CACNA1E: variants seen among roughly 807,000 people sequenced by gnomAD.
The protein encoded by CACNA1E is voltage-dependent R-type calcium channel subunit alpha-1E.
Under a neutral mutation model 259.2 loss-of-function variants are expected in CACNA1E, and 40 were observed. That is an observed-to-expected ratio of 0.15 (90% CI 0.12 to 0.20). The LOEUF (loss-of-function observed/expected upper bound fraction) is 0.20, where lower values mean the gene tolerates loss of function less well. CACNA1E is among the 10% of genes least tolerant of loss of function. The pLI is 1.00. For missense variants in CACNA1E, 1,874 were observed against 3,040.1 expected, an observed-to-expected ratio of 0.62 and a Z score of 9.02; for synonymous variants, 1,104 against 1,138.5, an observed-to-expected ratio of 0.97 and a Z score of 0.61.
At chr1:181,708,363 T>C (rs1355785206) in intron 7 of CACNA1E, among the ~76,000 whole-genome samples, 2 of 152,222 alleles carry the variant, frequency 1.3e-5, no homozygotes, top group East Asian at 3.9e-4. Flanking sequence ...TCTGAGGGGC[T>C]ATGTGTCCTT....
At chr1:181,737,058 TAC>T (rs948361272) in intron 22 of CACNA1E, among the ~76,000 whole-genome samples, 3 of 152,204 alleles carry the variant, frequency 2.0e-5, no homozygotes, top group Non-Finnish European at 2.9e-5. Flanking sequence ...GAATATAGAA[TAC>T]AGTTACTTTA....
At chr1:181,450,091 C>A (rs1039109812) in intron 2 of CACNA1E, among the ~76,000 whole-genome samples, 1 of 152,140 alleles carries the variant, frequency 6.6e-6, no homozygotes, top group Non-Finnish European at 1.5e-5. Flanking sequence ...GAGAAGCCAG[C>A]ATGTCTTATG....
intron 3 of CACNA1E, among the ~76,000 whole-genome samples, chr1:181,526,153 G>T (rs1667342671): frequency 6.6e-6 from 1 of 152,132 alleles, no homozygotes; most frequent in South Asian, 2.1e-4. Context: ...GGTGTTCAGT[G>T]CTAATCACTG....
chr1:181,578,053 A>G lies in CACNA1E; in HGVS notation c.616+184A>G, dbSNP rs150031858. Among the ~76,000 whole-genome samples the G allele has an allele frequency of 3.9e-5, 6 of 152,350 alleles. No homozygotes were observed. In the East Asian group the frequency reaches 1.2e-3, roughly 29 times the overall value. On this transcript the variant is annotated intron_variant, in intron 4 of 47. Transcript: ENST00000367573. The stretch of plus-strand genomic sequence containing the variant: ...TTTTACTTTACATTTAACTTTTTGC[A>G]AATATAAAAGATAATAGAAAATCTT...
At chr1:181,552,105 T>C (rs1648230781) in intron 3 of CACNA1E, among the ~76,000 whole-genome samples, 1 of 152,196 alleles carries the variant, frequency 6.6e-6, no homozygotes, top group Non-Finnish European at 1.5e-5. Context: ...TATTTCTCCA[T>C]ATTGCTCTTA....
At chr1:181,336,815 C>A (rs6659979) in intron 1 of CACNA1E, among the ~76,000 whole-genome samples, 44,546 of 151,804 alleles carry the variant, frequency 0.29, 6,790 homozygotes, top group Middle Eastern at 0.35. Flanking sequence ...AAGTAACATC[C>A]TACAGTATTT....
At chr1:181,591,542 A>G (rs1028320665) in intron 6 of CACNA1E, among the ~76,000 whole-genome samples, 1 of 152,140 alleles carries the variant, frequency 6.6e-6, no homozygotes, top group East Asian at 1.9e-4. Context: ...ATATTGAATA[A>G]ATGTTCTTTA....
At chr1:181,328,784 G>A (rs924215075) in intron 1 of CACNA1E, among the ~76,000 whole-genome samples, 1 of 152,198 alleles carries the variant, frequency 6.6e-6, no homozygotes, top group African/African-American at 2.4e-5. Flanking sequence ...GTCCCTGCCT[G>A]CTGTGCAATC....
At chr1:181,629,763 A>G (rs1656534013) in intron 6 of CACNA1E, among the ~76,000 whole-genome samples, 1 of 152,212 alleles carries the variant, frequency 6.6e-6, no homozygotes, top group Non-Finnish European at 1.5e-5. Context: ...CATATGGCCA[A>G]TAAACACCTG....
At chr1:181,552,127 C>T (rs1245344461) in intron 3 of CACNA1E, among the ~76,000 whole-genome samples, 1 of 152,134 alleles carries the variant, frequency 6.6e-6, no homozygotes, top group African/African-American at 2.4e-5. Context: ...AATATAACAC[C>T]CAGAATGAAC....
chr1:181,586,229 G>C (rs902260153), intron 6 of CACNA1E, among the ~76,000 whole-genome samples: 6 of 152,188 alleles, frequency 3.9e-5, no homozygotes, highest in African/African-American at 1.4e-4. Context: ...CACAGGTAAA[G>C]TATGTTGGGA....
In CACNA1E at chr1:181,779,491, G is replaced by A. The variant is rs150342660; in HGVS notation, c.5268-1936G>A. ...TGTACAAATTAGTGCGGGTGATCTC[G>A]CCTCCTCTGGGCCTGGGAGAGAACT... On this transcript the variant is annotated intron_variant, in intron 38 of 47. Coordinates refer to ENST00000367573, the MANE Select transcript of CACNA1E (RefSeq NM_001205293.3). The A allele has an allele frequency of 1.6e-3, 711 of 455,032 alleles. 4 individuals carry two copies. The highest frequency in any genetic ancestry group is 0.013 in the African/African-American group (639 of 50,086). The allele number at this position is 455,032 out of a possible 1,614,324, so 28.2% of individuals were successfully genotyped here. A position where few individuals can be genotyped will look rare whatever the true frequency, so the allele number is the denominator to read the frequency against.
chr1:181,593,291 T>A (rs963312749), intron 6 of CACNA1E, among the ~76,000 whole-genome samples: 2 of 152,224 alleles, frequency 1.3e-5, no homozygotes, highest in Non-Finnish European at 2.9e-5. Flanking sequence ...TTCGGGAGCA[T>A]GTAAGACAAA....
Position 181,798,600 on chromosome 1 carries a change from C to T in CACNA1E, c.6708C>T (p.His2236=), listed in dbSNP as rs746438533. ...TCTCCGAGCCCTACTTGGCCCTGCACGAAGACTCCCACGCCTCAGACTGTG... is the reference window on the plus strand; with the variant it reads ...TCTCCGAGCCCTACTTGGCCCTGCATGAAGACTCCCACGCCTCAGACTGTG... ...RYISEPYLAL[H]EDSHASDCGE... is the part of the protein sequence containing the mutation. Residue 2236 remains histidine (H), a synonymous_variant, in exon 48 of 48, where the codon CAC becomes CAT. Transcript: ENST00000367573. The surrounding 1 kb of genome is among the most constrained non-coding windows in gnomAD (Gnocchi z 4.2). 4.3e-6 allele frequency: 7 copies of T among 1,613,244 alleles called. No individual in the cohort carries two copies. The highest frequency in any genetic ancestry group is 4.5e-5 in the East Asian group (2 of 44,888).
At chr1:181,392,212 A>G (rs192284749) in intron 1 of CACNA1E, among the ~76,000 whole-genome samples, 1 of 152,272 alleles carries the variant, frequency 6.6e-6, no homozygotes, top group East Asian at 1.9e-4. Context: ...CTTACCTTCC[A>G]TGTTTCTCTA....
chr1:181,650,174 T>C (rs185500244), intron 6 of CACNA1E, among the ~76,000 whole-genome samples: 1 of 152,218 alleles, frequency 6.6e-6, no homozygotes, highest in African/African-American at 2.4e-5. Context: ...ATGGGGACAA[T>C]GAATCAAAAT....
intron 18 of CACNA1E, among the ~76,000 whole-genome samples, chr1:181,728,918 G>A (rs570289434): frequency 1.0e-5 from 1 of 98,104 alleles, no homozygotes; most frequent in Non-Finnish European, 2.1e-5. Context: ...CTGCACAGAT[G>A]TGTGAACATT....
At position 181,776,320 on chromosome 1, in the gene CACNA1E, C is replaced by A. The variant is rs775921144; in HGVS notation, c.5267+92C>A. Reference sequence around the variant, plus strand: ...GGCTGGAATTGGAGCCACCCAAATGCCTGCCTGTTACAGAAGGAAAGGAGA... The same window carrying A: ...GGCTGGAATTGGAGCCACCCAAATGACTGCCTGTTACAGAAGGAAAGGAGA... On this transcript the variant is annotated intron_variant, in intron 38 of 47. Transcript: ENST00000367573. The surrounding 1 kb of genome is among the most constrained non-coding windows in gnomAD (Gnocchi z 4.4). 3 of 1,302,194 alleles carry A rather than the reference C, an allele frequency of 2.3e-6. No homozygotes were observed. Among genetic ancestry groups the A allele is most frequent in the Non-Finnish European group, 3.3e-6 (3 of 901,848 alleles). The allele number at this position is 1,302,194 out of a possible 1,614,324, so 80.7% of individuals were successfully genotyped here.
At chr1:181,476,333 A>C (rs1416395319) in intron 2 of CACNA1E, among the ~76,000 whole-genome samples, 1 of 152,058 alleles carries the variant, frequency 6.6e-6, no homozygotes, top group Non-Finnish European at 1.5e-5. Flanking sequence ...TGTAGGAGAG[A>C]GTGGGAGAGA....
Sources: gnomAD v4.1 joint callset for allele counts (sites outside exome capture counted in the v4.1 genomes callset) on GRCh38, gnomAD v4.1.1 for gene constraint, Gnocchi (gnomAD v3.1) non-coding constraint, MANE v1.5 for transcripts, NCBI Gene and HGNC (gene_info 2026-07-23, HGNC 2026-07-21) for gene names.